Variants in FOXP1 observed in about 807,000 individuals in gnomAD.
The protein encoded by FOXP1 is forkhead box protein P1.
A neutral mutation model predicts 98.2 loss-of-function variants in FOXP1; 15 were observed. That is an observed-to-expected ratio of 0.15 (90% CI 0.10 to 0.24). The LOEUF is 0.24. Among genes scored for constraint, FOXP1 ranks in the 10% least tolerant of loss-of-function variants. The pLI is 1.00. For synonymous variants in FOXP1, 371 were observed against 314.5 expected (o/e 1.18, Z -1.90); for missense variants, 633 against 848.5 (o/e 0.75, Z 3.15).
At chr3:71,495,165 G>A (rs772646544) in intron 2 of FOXP1, among the ~76,000 whole-genome samples, 9 of 152,168 alleles carry the variant, frequency 5.9e-5, no homozygotes, top group Non-Finnish European at 1.3e-4. Flanking sequence ...CAGGGCTGGT[G>A]CACTTGCTAT....
chr3:70,991,136 G>C (rs886640945), intron 13 of FOXP1, among the ~76,000 whole-genome samples: 2 of 150,946 alleles, frequency 1.3e-5, no homozygotes, highest in African/African-American at 4.9e-5. Context: ...ATCTGGATCT[G>C]CCTAACAGGG....
At chr3:71,121,198 G>A (rs1460344959) in intron 6 of FOXP1, among the ~76,000 whole-genome samples, 1 of 151,942 alleles carries the variant, frequency 6.6e-6, no homozygotes, top group Non-Finnish European at 1.5e-5. Context: ...GATGCCGAAG[G>A]CTCTAGATAG....
chr3:71,086,382 T>G (rs904497709), intron 7 of FOXP1, among the ~76,000 whole-genome samples: 1 of 152,176 alleles, frequency 6.6e-6, no homozygotes, highest in Non-Finnish European at 1.5e-5. Flanking sequence ...TCTGTGAGCA[T>G]CCCATGAAAG....
At chr3:71,381,399 A>G (rs1162438977) in intron 3 of FOXP1, among the ~76,000 whole-genome samples, 3 of 149,914 alleles carry the variant, frequency 2.0e-5, no homozygotes, top group Non-Finnish European at 4.4e-5. Flanking sequence ...CGGCCTCCCA[A>G]AGTGCTAGGA....
chr3:71,340,858 T>A (rs2076969885), intron 4 of FOXP1, among the ~76,000 whole-genome samples: 1 of 151,950 alleles, frequency 6.6e-6, no homozygotes. Context: ...GTGTTTTAAT[T>A]CTTAAACACT....
intron 6 of FOXP1, among the ~76,000 whole-genome samples, chr3:71,135,739 C>T (rs937086442): frequency 1.3e-5 from 2 of 152,172 alleles, no homozygotes; most frequent in African/African-American, 4.8e-5. Context: ...GCCAGTGAAC[C>T]AGCTTAAGGC....
chr3:71,128,717 T>C (rs1453023441), intron 6 of FOXP1, among the ~76,000 whole-genome samples: 2 of 152,148 alleles, frequency 1.3e-5, no homozygotes, highest in Non-Finnish European at 2.9e-5. Flanking sequence ...GTCGAACTAC[T>C]GAGGCAGACA....
At chr3:71,078,674 C>A (rs1225905721) in intron 7 of FOXP1, among the ~76,000 whole-genome samples, 1 of 151,708 alleles carries the variant, frequency 6.6e-6, no homozygotes, top group African/African-American at 2.4e-5. Flanking sequence ...AAACTGCTAC[C>A]AATACCAGCA....
intron 6 of FOXP1, among the ~76,000 whole-genome samples, chr3:71,163,532 G>A (rs1016853815): frequency 2.0e-5 from 3 of 152,032 alleles, no homozygotes; most frequent in Non-Finnish European, 2.9e-5. Flanking sequence ...CAAACGTGGC[G>A]GCTGCTCAGT....
intron 2 of FOXP1, among the ~76,000 whole-genome samples, chr3:71,566,325 T>TA (rs1366465308): frequency 1.3e-5 from 2 of 152,176 alleles, no homozygotes; most frequent in African/African-American, 4.8e-5. Flanking sequence ...TACAAGTTAA[T>TA]AACTGGTTTG....
At chr3:71,506,073 G>A (rs568403378) in intron 2 of FOXP1, among the ~76,000 whole-genome samples, 2 of 152,314 alleles carry the variant, frequency 1.3e-5, no homozygotes, top group South Asian at 4.1e-4. Flanking sequence ...ATGATTAATT[G>A]CCAGATGAAT....
At chr3:71,444,293 ACTC>A (rs1268814808) in intron 3 of FOXP1, among the ~76,000 whole-genome samples, 1 of 151,800 alleles carries the variant, frequency 6.6e-6, no homozygotes, top group Non-Finnish European at 1.5e-5. Context: ...ACAAAGGTGC[ACTC>A]AGCAAACCCT....
chr3:71,113,348 T>C (rs564614932), intron 6 of FOXP1, among the ~76,000 whole-genome samples: 10 of 152,228 alleles, frequency 6.6e-5, no homozygotes, highest in South Asian at 4.2e-4. Context: ...AAGGTAGACA[T>C]TGGGGAGGTA....
At chr3:70,989,164 T>A (rs1245283072) in intron 13 of FOXP1, among the ~76,000 whole-genome samples, 2 of 152,148 alleles carry the variant, frequency 1.3e-5, no homozygotes, top group Non-Finnish European at 2.9e-5. Context: ...AATACAGTTA[T>A]TTTCTAAGGA....
At chr3:70,974,123 T>C (rs918387507) in intron 17 of FOXP1, among the ~76,000 whole-genome samples, 9 of 152,094 alleles carry the variant, frequency 5.9e-5, no homozygotes, top group African/African-American at 1.7e-4. Context: ...GTCAGCATAA[T>C]TGAGGTCGGT....
intron 6 of FOXP1, among the ~76,000 whole-genome samples, chr3:71,115,309 T>G (rs2058275461): frequency 8.6e-6 from 1 of 115,808 alleles, no homozygotes; most frequent in African/African-American, 3.0e-5. Context: ...TTATTATTAT[T>G]ATTATTATTT....
At chr3:71,265,733 G>A (rs2069577788) in intron 5 of FOXP1, among the ~76,000 whole-genome samples, 1 of 152,168 alleles carries the variant, frequency 6.6e-6, no homozygotes, top group Non-Finnish European at 1.5e-5. Flanking sequence ...ACAGGCATGG[G>A]CACATGACGC....
intron 2 of FOXP1, among the ~76,000 whole-genome samples, chr3:71,559,268 G>A (rs992899455): frequency 9.9e-5 from 15 of 152,190 alleles, no homozygotes; most frequent in Admixed American, 5.9e-4. Flanking sequence ...TAAGGCATTC[G>A]CTTACTATTT....
At position 71,518,264 on chromosome 3, in the gene FOXP1, C is replaced by T. The variant is rs146613439; in HGVS notation, c.-297-24709G>A. On this transcript the variant is annotated intron_variant, in intron 2 of 20. Transcript: ENST00000649528. ...TCAGATCACCAGCAGCAAAAAGATT[C>T]CCTGACTCCAAATTCCTACCCTTGT... is the stretch of plus-strand genomic sequence containing the variant. Among the ~76,000 whole-genome samples, 581 of 152,214 alleles carry T rather than the reference C, an allele frequency of 3.8e-3. 5 individuals carry two copies. Among genetic ancestry groups the T allele is most frequent in the African/African-American group, 0.013 (547 of 41,524 alleles).
Sources: allele counts gnomAD v4.1 joint callset (sites outside exome capture counted in the v4.1 genomes callset), GRCh38; gene constraint gnomAD v4.1.1; transcripts MANE v1.5; gene names NCBI Gene and HGNC (gene_info 2026-07-23, HGNC 2026-07-21).